Variants in ZNF506 observed in about 807,000 individuals in gnomAD.
ZNF506 encodes the protein zinc finger protein 506.
Under a neutral mutation model 11.6 loss-of-function variants are expected in ZNF506, and 10 were observed. That is an observed-to-expected ratio of 0.86 (90% CI 0.53 to 1.46). The LOEUF (loss-of-function observed/expected upper bound fraction) is 1.46, where lower values mean the gene tolerates loss of function less well. Among genes scored for constraint, ZNF506 ranks in the 40% most tolerant of loss-of-function variants. The pLI is 0.00. For synonymous variants in ZNF506, 156 were observed against 173.3 expected (o/e 0.90, Z 0.78); for missense variants, 425 against 521.2 (o/e 0.82, Z 1.80).
chr19:19,805,136 TAATTA>T (rs1266036691), intron 3 of ZNF506, among the ~76,000 whole-genome samples: 2 of 152,108 alleles, frequency 1.3e-5, no homozygotes, highest in Non-Finnish European at 2.9e-5. Flanking sequence ...ATAAATACAC[TAATTA>T]AATTAGGAAA....
Sources: allele counts gnomAD v4.1 joint callset (sites outside exome capture counted in the v4.1 genomes callset), GRCh38; gene constraint gnomAD v4.1.1; transcripts MANE v1.5; gene names NCBI Gene and HGNC (gene_info 2026-07-23, HGNC 2026-07-21).